KIF5B: variants seen among roughly 807,000 people sequenced by gnomAD.
KIF5B encodes kinesin-1 heavy chain.
A neutral mutation model predicts 132.8 loss-of-function variants in KIF5B; 49 were observed. The ratio of observed to expected loss-of-function variants is 0.37; its 90% confidence interval spans 0.29 to 0.47. KIF5B has a LOEUF of 0.47. Ranked by LOEUF, KIF5B falls within the 20% of genes least tolerant of loss-of-function variation. The probability of loss-of-function intolerance (pLI) is 1.00; values close to 1 mark genes in which losing one functional copy is unlikely to be tolerated. For missense variants in KIF5B, 780 were observed against 1,144.0 expected, an observed-to-expected ratio of 0.68 and a Z score of 4.59; for synonymous variants, 355 against 369.4, an observed-to-expected ratio of 0.96 and a Z score of 0.45.
rs144713193 is a variant in KIF5B, at chr10:32,035,578, G to A, written c.906C>T (p.Cys302=). 54 of 1,613,038 alleles carry A rather than the reference G, an allele frequency of 3.3e-5. No homozygotes were observed. The Admixed American group carries it at 4.2e-4, about 12-fold the overall frequency. ...CAGACTCATTGTATGATGATGGAGA[G>A]CAGCAAATTACAATAGTGGTTCTAC... The part of the protein sequence containing the change: ...GNCRTTIVIC[C]SPSSYNESET... Residue 302 remains cysteine, a synonymous_variant, in exon 10 of 26, where the codon TGC becomes TGT. Coordinates refer to ENST00000302418, the MANE Select transcript of KIF5B (RefSeq NM_004521.3).
At chr10:32,032,664 A>G (rs1226997047) in intron 13 of KIF5B, 42 bp downstream of exon 13, 1 of 1,501,746 alleles carries the variant, frequency 6.7e-7, no homozygotes, top group Non-Finnish European at 9.3e-7. Context: ...AAACAAAACT[A>G]TAAAGCTTTT....
chr10:32,037,221 T>A (rs1320571319), intron 8 of KIF5B, 33 bp downstream of exon 8: 1 of 1,596,102 alleles, frequency 6.3e-7, no homozygotes, highest in Non-Finnish European at 8.5e-7. Context: ...ACAAAGATGC[T>A]TAAATATTTG....
rs1164354047 is a variant in KIF5B at position 32,024,060 on chromosome 10, A to C, written c.1726-1024T>G. 4.5e-3 allele frequency among the ~76,000 whole-genome samples: 398 copies of C among 88,706 alleles called. 3 individuals carry two copies. The highest frequency in any genetic ancestry group is 0.012 in the African/African-American group (361 of 29,824). 58.2% of individuals were successfully genotyped at this position (88,706 alleles called of 152,430 possible). A position where few individuals can be genotyped will look rare whatever the true frequency, so the allele number is the denominator to read the frequency against. On this transcript the variant is annotated intron_variant, in intron 15 of 25. Coordinates refer to ENST00000302418, the MANE Select transcript of KIF5B (RefSeq NM_004521.3). Reference sequence around the variant, plus strand: ...AAAATGACGTTGAGAGTAAAAAAAAAAAACAAAAAAAAAAAAACAAGACAC... The same window carrying C: ...AAAATGACGTTGAGAGTAAAAAAAACAAACAAAAAAAAAAAAACAAGACAC...
At chr10:32,032,844 A>T (rs754389252) in intron 12 of KIF5B, 70 bp from the exon 13 acceptor site, 1 of 1,071,800 alleles carries the variant, frequency 9.3e-7, no homozygotes, top group East Asian at 2.4e-5. Context: ...AATACAGGTT[A>T]TAAGATTACT....
At chr10:32,016,036 T>A (rs1841155071) in intron 24 of KIF5B, among the ~76,000 whole-genome samples, 1 of 151,740 alleles carries the variant, frequency 6.6e-6, no homozygotes, top group African/African-American at 2.4e-5. Flanking sequence ...CCCAGCTACT[T>A]GGAAGGCTGA....
At chr10:32,019,988 G>GT (rs762337322) in intron 19 of KIF5B, 29 bp from the exon 20 acceptor site, 1 of 1,372,190 alleles carries the variant, frequency 7.3e-7, no homozygotes, top group Non-Finnish European at 1.0e-6. Flanking sequence ...AATTAACACA[G>GT]TATCAATATC....
intron 25 of KIF5B, among the ~76,000 whole-genome samples, chr10:32,011,806 A>C (rs1012819190): frequency 6.6e-6 from 1 of 152,116 alleles, no homozygotes; most frequent in Non-Finnish European, 1.5e-5. Context: ...AAGCTGATTT[A>C]TGAATTGTAT....
Position 32,030,998 on chromosome 10 carries a change from A to G in KIF5B, c.1581+75T>C, listed in dbSNP as rs1657513197. On this transcript the variant is annotated intron_variant, in intron 14 of 25. Coordinates refer to ENST00000302418, the MANE Select transcript of KIF5B (RefSeq NM_004521.3). ...CGATATTTGACTTACATAGAAAAGT[A>G]AGTTATTTAAGTAGTTTTTAGGTTA... The G allele has an allele frequency of 4.9e-6, 5 of 1,017,102 alleles. No homozygotes were observed. The Admixed American group carries it at 9.9e-5, about 20-fold the overall frequency. 63.0% of individuals were successfully genotyped at this position (1,017,102 alleles called of 1,614,324 possible). A position where few individuals can be genotyped will look rare whatever the true frequency, so the allele number is the denominator to read the frequency against.
chr10:32,052,791 T>C (rs763766700), intron 1 of KIF5B, among the ~76,000 whole-genome samples: 2 of 152,234 alleles, frequency 1.3e-5, no homozygotes, highest in Admixed American at 6.5e-5. Flanking sequence ...CGATGTTACA[T>C]TTATAGCACT....
intron 12 of KIF5B, 55 bp downstream of exon 12, chr10:32,033,790 C>T: frequency 8.3e-7 from 1 of 1,199,732 alleles, no homozygotes; most frequent in Non-Finnish European, 1.2e-6. Flanking sequence ...AAAATAAAAA[C>T]ACCCATGTCA....
chr10:32,011,666 G>T (rs899484017), intron 25 of KIF5B, 150 bp from the exon 26 acceptor site: 9 of 152,106 alleles, frequency 5.9e-5, no homozygotes, highest in Admixed American at 5.9e-4. Flanking sequence ...CCCAAAATTA[G>T]AAGGATGGCA....
chr10:32,046,443 C>T (rs1466455054), intron 2 of KIF5B, among the ~76,000 whole-genome samples: 2 of 152,008 alleles, frequency 1.3e-5, no homozygotes, highest in African/African-American at 4.8e-5. Context: ...ATGTCAGTAC[C>T]CAGTTCACTC....
intron 25 of KIF5B, among the ~76,000 whole-genome samples, chr10:32,012,400 C>G (rs906629654): frequency 2.6e-5 from 4 of 152,098 alleles, no homozygotes; most frequent in African/African-American, 9.7e-5. Context: ...TGCTTGAACC[C>G]GGGAAGCAGA....
In KIF5B at chr10:32,055,862, T is replaced by A; in HGVS notation, c.112A>T (p.Thr38Ser). Reference protein sequence around the residue: ...KYIAKFQGEDTVVIASKPYAF... With the variant: ...KYIAKFQGEDSVVIASKPYAF... ...GGGTCACTCACCGCGATCACGACCG[T>A]GTCTTCTCCCTGAAACTTGGCGATG... Residue 38 changes from threonine (T) to serine (S), a missense_variant, in exon 1 of 26, where the codon ACG becomes TCG. This residue lies in a region of KIF5B where 66 missense variants were observed against 83.4 expected (regional missense o/e 0.79). Transcript: ENST00000302418. 1.2e-6 allele frequency: 2 copies of A among 1,612,752 alleles called. No individual in the cohort carries two copies. The highest frequency in any genetic ancestry group is 1.1e-5 in the South Asian group (1 of 91,068).
chr10:32,040,512 A>G, intron 2 of KIF5B, 55 bp from the exon 3 acceptor site: 1 of 986,736 alleles, frequency 1.0e-6, no homozygotes, highest in East Asian at 2.4e-5. Context: ...AAGATTCCTA[A>G]GAAATTACTT....
rs1469579006 is a variant in KIF5B, at chr10:32,033,996, G to C, written c.1154C>G (p.Ala385Gly). ...ATCCACTGTGAAAGCTTCCAAGTTG[G>C]CTTTCTCTTTGTCAAACTGTTCATC... ...PIDEQFDKEK[A>G]NLEAFTVDKD... Residue 385 changes from alanine to glycine, a missense_variant, in exon 12 of 26, where the codon GCC (alanine) becomes GGC (glycine). By Grantham distance (60) the Ala-to-Gly change is moderately conservative. Transcript: ENST00000302418. 1 of 1,600,468 alleles carries C rather than the reference G, an allele frequency of 6.2e-7. No individual in the cohort carries two copies. The highest frequency in any genetic ancestry group is 8.5e-7 in the Non-Finnish European group (1 of 1,174,182).
intron 15 of KIF5B, among the ~76,000 whole-genome samples, chr10:32,025,867 T>C (rs1163986753): frequency 6.6e-6 from 1 of 152,214 alleles, no homozygotes. Flanking sequence ...AGAAACTAGC[T>C]GAAAGGGCTA....
intron 1 of KIF5B, 54 bp downstream of exon 1, chr10:32,055,794 C>G: frequency 6.3e-7 from 1 of 1,597,302 alleles, no homozygotes. Context: ...CTAAACTCCC[C>G]GCACAGGCCG....
chr10:32,014,378 C>T (rs530910377), intron 25 of KIF5B, among the ~76,000 whole-genome samples: 154 of 144,308 alleles, frequency 1.1e-3, no homozygotes, highest in African/African-American at 3.8e-3. Flanking sequence ...GCAACAAGAA[C>T]GAGGCTCCGT....
Sources: allele counts gnomAD v4.1 joint callset (sites outside exome capture counted in the v4.1 genomes callset), GRCh38; gene constraint gnomAD v4.1.1; regional missense constraint gnomAD v4.1.1; transcripts MANE v1.5; gene names NCBI Gene and HGNC (gene_info 2026-07-23, HGNC 2026-07-21).